Variants in TTC23 observed in about 807,000 individuals in gnomAD.
TTC23 encodes the protein tetratricopeptide repeat domain 23, also known as tetratricopeptide repeat protein 23.
TTC23 carries 58 observed loss-of-function variants against 55.1 expected under a neutral mutation model. That is an observed-to-expected ratio of 1.05 (90% CI 0.85 to 1.31). The LOEUF is 1.31. Among genes scored for constraint, TTC23 ranks in the 50% most tolerant of loss-of-function variants. The pLI is 0.00. For missense variants in TTC23, 516 were observed against 534.4 expected (o/e 0.97, Z 0.34); for synonymous variants, 203 against 199.9 (o/e 1.02, Z -0.13).
At chr15:99,140,921 C>T (rs1476141539) in intron 12 of TTC23, 3 of 152,060 alleles carry the variant, frequency 2.0e-5, no homozygotes, top group Admixed American at 6.5e-5. Context: ...CAAACCAAAA[C>T]CTCTCAATAG....
chr15:99,228,210 C>A (rs528235742), intron 5 of TTC23, among the ~76,000 whole-genome samples: 8 of 152,166 alleles, frequency 5.3e-5, no homozygotes, highest in Non-Finnish European at 1.0e-4. Flanking sequence ...AAGAAGCATG[C>A]AGAGAACAAG....
At position 99,137,611 on chromosome 15, in the gene TTC23, G is replaced by A. The variant is rs1555487713; in HGVS notation, c.*399C>T. The A allele has an allele frequency of 6.0e-6, 1 of 166,820 alleles. No individual in the cohort carries two copies. Among genetic ancestry groups the A allele is most frequent in the Non-Finnish European group, 1.3e-5 (1 of 77,370 alleles). The allele number at this position is 166,820 out of a possible 1,614,324, so 10.3% of individuals were successfully genotyped here. ...TCCCTATTAGCCTCCTATAAGAAAG[G>A]ACTTCCTGAAGTTCACTGTCCAGAT... On this transcript the variant is annotated 3_prime_UTR_variant, in exon 14 of 14. Transcript: ENST00000394132.
chr15:99,208,400 C>A (rs2152017985), intron 8 of TTC23, among the ~76,000 whole-genome samples: 1 of 152,214 alleles, frequency 6.6e-6, no homozygotes, highest in East Asian at 1.9e-4. Flanking sequence ...GCATAACAAG[C>A]TTCTATTTAT....
intron 4 of TTC23, among the ~76,000 whole-genome samples, chr15:99,233,976 C>T (rs999369116): frequency 4.0e-5 from 6 of 151,822 alleles, no homozygotes; most frequent in Non-Finnish European, 7.4e-5. Flanking sequence ...GATATTCACA[C>T]GTAAAAATAA....
intron 8 of TTC23, among the ~76,000 whole-genome samples, chr15:99,204,570 TCCTGGA>T (rs2076449414): frequency 6.6e-6 from 1 of 151,642 alleles, no homozygotes; most frequent in Non-Finnish European, 1.5e-5. Context: ...CAGACCGATT[TCCTGGA>T]GTGTTTTCTC....
At chr15:99,173,349 G>C (rs1352815531) in intron 10 of TTC23, among the ~76,000 whole-genome samples, 1 of 152,148 alleles carries the variant, frequency 6.6e-6, no homozygotes, top group African/African-American at 2.4e-5. Flanking sequence ...CCAGAGTTTT[G>C]GGAAGCCAAG....
At chr15:99,175,227 C>T (rs1263411511) in intron 9 of TTC23, 72 bp from the exon 10 acceptor site, 3 of 1,219,624 alleles carry the variant, frequency 2.5e-6, no homozygotes, top group East Asian at 2.5e-5. Context: ...ACTGTCCTTG[C>T]AGAGATAAGC....
intron 12 of TTC23, among the ~76,000 whole-genome samples, chr15:99,152,239 C>T (rs1332735256): frequency 1.3e-4 from 20 of 152,002 alleles, no homozygotes; most frequent in Admixed American, 2.6e-4. Context: ...TGCCTTCTGC[C>T]GTAAGTAAAA....
intron 10 of TTC23, among the ~76,000 whole-genome samples, chr15:99,170,704 C>A (rs190727374): frequency 6.6e-6 from 1 of 152,182 alleles, no homozygotes; most frequent in Non-Finnish European, 1.5e-5. Flanking sequence ...AAACCTAGGC[C>A]GCAGTAGATT....
chr15:99,240,396 T>TA (rs1248363117), intron 3 of TTC23, among the ~76,000 whole-genome samples: 18 of 152,074 alleles, frequency 1.2e-4, no homozygotes, highest in African/African-American at 4.1e-4. Flanking sequence ...TATATATATA[T>TA]TTTTTTTCGC....
intron 12 of TTC23, among the ~76,000 whole-genome samples, chr15:99,147,326 C>T (rs868995541): frequency 1.9e-4 from 28 of 146,674 alleles, no homozygotes; most frequent in Admixed American, 1.4e-3. Context: ...CCCAGGTTCA[C>T]GCCATTCTCC....
intron 10 of TTC23, among the ~76,000 whole-genome samples, chr15:99,169,465 C>T (rs758611991): frequency 1.2e-4 from 18 of 152,240 alleles, no homozygotes; most frequent in Non-Finnish European, 2.1e-4. Context: ...GTGGCTATTC[C>T]CAGGTGTCCA....
intron 8 of TTC23, among the ~76,000 whole-genome samples, chr15:99,208,322 GA>G (rs1389820732): frequency 6.6e-6 from 1 of 152,000 alleles, no homozygotes; most frequent in Non-Finnish European, 1.5e-5. Context: ...TCAGAGGAAT[GA>G]AAAACACTAA....
At chr15:99,239,574 T>G (rs1023379220) in intron 3 of TTC23, among the ~76,000 whole-genome samples, 17 of 152,192 alleles carry the variant, frequency 1.1e-4, no homozygotes, top group Admixed American at 7.9e-4. Context: ...ACAGGAAAGC[T>G]TTGCCTACAC....
chr15:99,195,821 A>G (rs1243918239), intron 9 of TTC23, among the ~76,000 whole-genome samples: 3 of 151,408 alleles, frequency 2.0e-5, no homozygotes, highest in Non-Finnish European at 4.4e-5. Flanking sequence ...GGCAGGGGCT[A>G]TATCTTTGTA....
At chr15:99,237,440 T>C (rs1159219819) in intron 3 of TTC23, among the ~76,000 whole-genome samples, 2 of 152,204 alleles carry the variant, frequency 1.3e-5, no homozygotes, top group Non-Finnish European at 1.5e-5. Flanking sequence ...GTGGTATAAC[T>C]ATACAATGAA....
chr15:99,212,984 C>CAAA (rs1219150354), intron 8 of TTC23, among the ~76,000 whole-genome samples: 5 of 71,778 alleles, frequency 7.0e-5, no homozygotes, highest in African/African-American at 2.3e-4. Context: ...GACCCTATCT[C>CAAA]AAAAAAAAAA....
In TTC23 at chr15:99,249,169, A is replaced by T. The variant is rs2080517165; in HGVS notation, c.-431+2T>A. 6.6e-6 allele frequency: 1 copy of T among 152,120 alleles called. No individual in the cohort carries two copies. The highest frequency in any genetic ancestry group is 2.4e-5 in the African/African-American group (1 of 41,426). 9.4% of individuals were successfully genotyped at this position (152,120 alleles called of 1,614,324 possible). On this transcript the variant is annotated splice_donor_variant, in intron 1 of 13. Transcript: ENST00000394132. LOFTEE classifies it low-confidence loss of function (5UTR_SPLICE). The stretch of plus-strand genomic sequence containing the variant: ...TTAATCTTATTATCTTGCCTCCTTT[A>T]CCTTTCAAAAATCCACTGATAATCT...
At chr15:99,167,065 G>A (rs1567375545) in intron 10 of TTC23, among the ~76,000 whole-genome samples, 2 of 152,154 alleles carry the variant, frequency 1.3e-5, no homozygotes, top group South Asian at 4.1e-4. Context: ...GCCTTTGACG[G>A]GAGGGCAAAT....
Sources: allele counts gnomAD v4.1 joint callset (sites outside exome capture counted in the v4.1 genomes callset), GRCh38; gene constraint gnomAD v4.1.1; transcripts MANE v1.5; gene names NCBI Gene and HGNC (gene_info 2026-07-23, HGNC 2026-07-21).